NEDD4L: variants seen among roughly 807,000 people sequenced by gnomAD.
The protein encoded by NEDD4L is E3 ubiquitin-protein ligase NEDD4-like.
NEDD4L carries 54 observed loss-of-function variants against 148.9 expected under a neutral mutation model. The ratio of observed to expected loss-of-function variants is 0.36; its 90% CI spans 0.29 to 0.45. The LOEUF is 0.45. Ranked by LOEUF, NEDD4L falls within the 20% of genes least tolerant of loss-of-function variation. NEDD4L has a pLI of 1.00. For missense variants in NEDD4L, 856 were observed against 1,233.8 expected (o/e 0.69, Z 4.59); for synonymous variants, 433 against 440.7 (o/e 0.98, Z 0.22).
intron 1 of NEDD4L, among the ~76,000 whole-genome samples, chr18:58,118,544 A>G (rs1185008315): frequency 6.6e-6 from 1 of 152,062 alleles, no homozygotes. Flanking sequence ...AGTGCTCGCC[A>G]CTCTAGGAAC....
At chr18:58,065,807 T>A (rs1319154302) in intron 1 of NEDD4L, among the ~76,000 whole-genome samples, 1 of 152,206 alleles carries the variant, frequency 6.6e-6, no homozygotes, top group African/African-American at 2.4e-5. Flanking sequence ...TTTCTAGAAG[T>A]TAAGTTTATT....
At chr18:58,194,398 G>A (rs1275132557) in intron 2 of NEDD4L, among the ~76,000 whole-genome samples, 1 of 152,200 alleles carries the variant, frequency 6.6e-6, no homozygotes, top group African/African-American at 2.4e-5. Flanking sequence ...GCTAATATAA[G>A]TAAGCTGTAA....
intron 5 of NEDD4L, among the ~76,000 whole-genome samples, chr18:58,301,798 C>T (rs1193026837): frequency 6.6e-6 from 1 of 152,076 alleles, no homozygotes; most frequent in Non-Finnish European, 1.5e-5. Context: ...TGCAGAATAC[C>T]CATTAATGTT....
rs551988510 is a variant in NEDD4L at position 58,148,290 on chromosome 18, C to T, written c.49-17498C>T. ...GAGCAGTTCTCCTGCCTCAGCCTCC[C>T]GAGTAGCTGGGACTACAGGCACATG... On this transcript the variant is annotated intron_variant, in intron 1 of 30. Transcript: ENST00000400345. 1.1e-4 allele frequency among the ~76,000 whole-genome samples: 17 copies of T among 149,328 alleles called. No homozygotes were observed. The South Asian group carries it at 2.6e-3, about 23-fold the overall frequency.
At chr18:58,060,569 T>C (rs1452778807) in intron 1 of NEDD4L, among the ~76,000 whole-genome samples, 1 of 152,024 alleles carries the variant, frequency 6.6e-6, no homozygotes. Flanking sequence ...GCAGATTCCA[T>C]TGGATTTGGT....
chr18:58,183,237 C>G (rs2147020605), intron 2 of NEDD4L, among the ~76,000 whole-genome samples: 1 of 152,334 alleles, frequency 6.6e-6, no homozygotes, highest in African/African-American at 2.4e-5. Flanking sequence ...CTGTCCAGCC[C>G]AGAGCCACTG....
intron 5 of NEDD4L, among the ~76,000 whole-genome samples, chr18:58,310,122 T>C (rs1296900781): frequency 6.6e-6 from 1 of 152,206 alleles, no homozygotes; most frequent in Non-Finnish European, 1.5e-5. Context: ...TCAAAATAGA[T>C]GGTCTTCCTG....
At chr18:58,088,857 A>G (rs1197867404) in intron 1 of NEDD4L, among the ~76,000 whole-genome samples, 1 of 152,086 alleles carries the variant, frequency 6.6e-6, no homozygotes, top group Non-Finnish European at 1.5e-5. Flanking sequence ...ATATTTTGCT[A>G]TGAGATGTTC....
chr18:58,248,404 T>C (rs886673265), intron 3 of NEDD4L, among the ~76,000 whole-genome samples: 3 of 152,144 alleles, frequency 2.0e-5, no homozygotes, highest in African/African-American at 7.2e-5. Context: ...TGGCTTACAT[T>C]TGGTCTTTTT....
intron 1 of NEDD4L, among the ~76,000 whole-genome samples, chr18:58,118,343 C>G (rs1598909198): frequency 6.6e-6 from 1 of 152,318 alleles, no homozygotes; most frequent in South Asian, 2.1e-4. Context: ...AATTTGTGGT[C>G]TGAACATTTT....
At chr18:58,195,397 T>C (rs1395667844) in intron 2 of NEDD4L, 1 of 1,260,572 alleles carries the variant, frequency 7.9e-7, no homozygotes, top group East Asian at 5.3e-5. Context: ...GGCACTTCCG[T>C]GTTCCCCACA....
At chr18:58,107,880 A>G (rs559951) in intron 1 of NEDD4L, among the ~76,000 whole-genome samples, 10,779 of 151,920 alleles carry the variant, frequency 0.071, 488 homozygotes, top group African/African-American at 0.12. Context: ...ATGCCCAGCT[A>G]ATTTTTTTTT....
intron 5 of NEDD4L, among the ~76,000 whole-genome samples, chr18:58,253,480 G>C (rs1430982126): frequency 6.6e-6 from 1 of 152,190 alleles, no homozygotes; most frequent in Non-Finnish European, 1.5e-5. Context: ...ATGCATCAAA[G>C]TACTTTCTTG....
chr18:58,276,705 ATT>A (rs34190027), intron 5 of NEDD4L, among the ~76,000 whole-genome samples: 36,885 of 149,384 alleles, frequency 0.25, 5,462 homozygotes, highest in African/African-American at 0.41. Flanking sequence ...TATTATTATT[ATT>A]ATTATTAATA....
chr18:58,045,627 T>A (rs2081542860), intron 1 of NEDD4L: 1 of 152,738 alleles, frequency 6.5e-6, no homozygotes, highest in African/African-American at 2.4e-5. Flanking sequence ...TATGTTGCTC[T>A]GCCAAAAAGG....
intron 1 of NEDD4L, chr18:58,149,425 G>T: frequency 6.6e-7 from 1 of 1,518,458 alleles, no homozygotes; most frequent in Non-Finnish European, 8.9e-7. Flanking sequence ...GCAGTGGAAA[G>T]TTACCCTTGG....
intron 2 of NEDD4L, among the ~76,000 whole-genome samples, chr18:58,228,545 CTATT>C (rs1475694452): frequency 6.6e-6 from 1 of 152,176 alleles, no homozygotes; most frequent in Non-Finnish European, 1.5e-5. Flanking sequence ...GAGGCATAGG[CTATT>C]TGATTAATAA....
Position 58,047,346 on chromosome 18 carries a change from A to G in NEDD4L, c.48+2638A>G, listed in dbSNP as rs968622644. The G allele has an allele frequency of 4.1e-6, 4 of 984,586 alleles. No individual in the cohort carries two copies. In the African/African-American group the frequency reaches 7.0e-5, roughly 17 times the overall value. 61.0% of individuals were successfully genotyped at this position (984,586 alleles called of 1,614,324 possible). ...ATTTGAGATTGTTGAAAAGCATGGT[A>G]TGTTTGGAGTGCACTTAGTTATGTC... is the stretch of plus-strand genomic sequence containing the variant. On this transcript the variant is annotated intron_variant, in intron 1 of 30. Coordinates refer to ENST00000400345, the MANE Select transcript of NEDD4L (RefSeq NM_001144967.3).
chr18:58,370,270 G>A, intron 22 of NEDD4L, 127 bp from the exon 23 acceptor site: 1 of 672,110 alleles, frequency 1.5e-6, no homozygotes, highest in Non-Finnish European at 2.7e-6. Context: ...CAATACTGTA[G>A]AAGGCCCTTG....
Sources: gnomAD v4.1 joint callset for allele counts (sites outside exome capture counted in the v4.1 genomes callset) on GRCh38, gnomAD v4.1.1 for gene constraint, MANE v1.5 for transcripts, NCBI Gene and HGNC (gene_info 2026-07-23, HGNC 2026-07-21) for gene names.